The following KIAA1210 variants were observed in gnomAD, a reference collection of about 807,000 sequenced individuals.
The protein encoded by KIAA1210 is acrosomal protein KIAA1210.
KIAA1210 carries 48 observed loss-of-function variants against 78.9 expected under a neutral mutation model. The ratio of observed to expected loss-of-function variants is 0.61; its 90% confidence interval spans 0.48 to 0.77. The LOEUF is 0.77. KIAA1210 is among the 30% of genes least tolerant of loss of function. The probability of loss-of-function intolerance (pLI) is 0.00; values close to 1 mark genes in which losing one functional copy is unlikely to be tolerated. For synonymous variants in KIAA1210, 406 were observed against 404.5 expected (o/e 1.00, Z -0.04); for missense variants, 1,108 against 1,100.0 (o/e 1.01, Z -0.10).
At chrX:119,100,930 T>C (rs909894315) in intron 6 of KIAA1210, among the ~76,000 whole-genome samples, 4 of 112,334 alleles carry the variant, frequency 3.6e-5, no homozygotes, top group Non-Finnish European at 7.5e-5. Context: ...TGGAATTAAA[T>C]GGGCTCCTTG....
At position 119,086,960 on chromosome X, in the gene KIAA1210, C is replaced by A; in HGVS notation, c.3742G>T (p.Ala1248Ser). ...GSKNPIKSIP[A>S]PATKPGKFTI... ...AACTTCCCAGGTTTGGTAGCAGGGG[C>A]TGGAATGCTCTTTATGGGGTTTTTG... The change falls in exon 9 of 12, where the codon GCC becomes TCC. Residue 1248 changes from alanine to serine, a missense_variant. By Grantham distance (99) the Ala-to-Ser change is moderately conservative. Coordinates refer to ENST00000691062, the MANE Select transcript of KIAA1210 (RefSeq NM_001394962.1). The A allele has an allele frequency of 8.3e-7, 1 of 1,211,465 alleles. No individual in the cohort carries two copies. The highest frequency in any genetic ancestry group is 1.1e-6 in the Non-Finnish European group (1 of 895,423).
intron 2 of KIAA1210, 84 bp from the exon 3 acceptor site, chrX:119,116,748 GA>G: frequency 1.1e-6 from 1 of 871,841 alleles, no homozygotes. Flanking sequence ...TGAGAGGAAA[GA>G]GGACCATGAT....
At chrX:119,109,298 A>C in intron 3 of KIAA1210, 96 bp from the exon 4 acceptor site, 11 of 865,100 alleles carry the variant, frequency 1.3e-5, no homozygotes, top group Non-Finnish European at 1.8e-5. Context: ...TAGATACCTC[A>C]GAAGGAGAGC....
At chrX:119,091,793 C>G (rs1396420591) in intron 8 of KIAA1210, among the ~76,000 whole-genome samples, 1 of 111,810 alleles carries the variant, frequency 8.9e-6, no homozygotes, top group Non-Finnish European at 1.9e-5. Flanking sequence ...TTGTAGCAAC[C>G]TGGATGAAAC....
At chrX:119,127,458 A>T (rs1471003221) in intron 1 of KIAA1210, among the ~76,000 whole-genome samples, 1 of 111,531 alleles carries the variant, frequency 9.0e-6, no homozygotes, top group Non-Finnish European at 1.9e-5. Flanking sequence ...CCTTGAGCTT[A>T]GACTGTCCTG....
upstream of KIAA1210, among the ~76,000 whole-genome samples, chrX:119,128,981 T>C (rs1928720716): frequency 8.9e-6 from 1 of 112,521 alleles, no homozygotes; most frequent in African/African-American, 3.2e-5. Flanking sequence ...GGCCAATTAT[T>C]CTTTATTAAC....
At chrX:119,093,342 C>T (rs1382536123) in intron 8 of KIAA1210, among the ~76,000 whole-genome samples, 1 of 112,392 alleles carries the variant, frequency 8.9e-6, no homozygotes, top group East Asian at 2.8e-4. Flanking sequence ...TATCTGGGCT[C>T]ACTGAGGAAC....
At position 119,147,508 on chromosome X, in the gene KIAA1210, AC is replaced by A. The variant is rs767811780; in HGVS notation, c.374del (p.Ser125IlefsTer21). 1.3e-4 allele frequency: 163 copies of A among 1,209,852 alleles called. No homozygotes were observed. The highest frequency in any genetic ancestry group is 1.7e-4 in the Non-Finnish European group (156 of 895,024). ...CCTGTTCTTGGAGTAGGAGAAGCTG[AC>A]TAGCATGATGTGAGGGGCCCACTAT... is the stretch of plus-strand genomic sequence containing the variant. On this transcript the variant is annotated frameshift_variant, in exon 2 of 14. Transcript: ENST00000402510. LOFTEE classifies it high-confidence loss of function.
chrX:119,116,857 A>T (rs1407198402), intron 2 of KIAA1210, among the ~76,000 whole-genome samples, 193 bp from the exon 3 acceptor site: 1 of 111,802 alleles, frequency 8.9e-6, no homozygotes, highest in African/African-American at 3.3e-5. Context: ...ACTCAGTAAC[A>T]AAGTGTCTGA....
At chrX:119,149,809 G>T (rs923830656) in intron 1 of KIAA1210, among the ~76,000 whole-genome samples, 2 of 110,898 alleles carry the variant, frequency 1.8e-5, no homozygotes, top group Admixed American at 9.6e-5. Flanking sequence ...AAGACAACTC[G>T]GAAAATTTAA....
chrX:119,086,905 G>T lies in KIAA1210; in HGVS notation c.3797C>A (p.Thr1266Asn), dbSNP rs1927158001. 1 of 1,209,676 alleles carries T rather than the reference G, an allele frequency of 8.3e-7. No individual in the cohort carries two copies. Among genetic ancestry groups the T allele is most frequent in the Admixed American group, 2.2e-5 (1 of 45,725 alleles). The change falls in exon 9 of 12, where the codon ACT becomes AAT. Residue 1266 changes from threonine (T) to asparagine (N), a missense_variant. Thr to Asn is a moderately conservative substitution (Grantham distance 65). This residue lies in a region of KIAA1210 where 245 missense variants were observed against 278.8 expected (regional missense o/e 0.88). Transcript: ENST00000691062. ...TTTCTTAGAGTAAATGCCCCCAGAA[G>T]TGGATGTTTGCCTGACAGGAGCAAT... is the stretch of plus-strand genomic sequence containing the variant. ...FTIAPVRQTSTSGGIYSKKED... is the reference protein window; with the variant it reads ...FTIAPVRQTSNSGGIYSKKED...
intron 2 of KIAA1210, among the ~76,000 whole-genome samples, chrX:119,119,438 G>A (rs1928374948): frequency 8.9e-6 from 1 of 112,288 alleles, no homozygotes; most frequent in South Asian, 3.7e-4. Flanking sequence ...GGAAAACTTG[G>A]CAATTCTACC....
Position 119,088,582 on chromosome X carries a change from C to T in KIAA1210, c.2120G>A (p.Gly707Glu), listed in dbSNP as rs1273520270. Reference sequence around the variant, plus strand: ...GACTTCTTGTTGGTTTTTGGGCTTTCCCAAGGCCTGAGCAGGGTGTCTGAG... The same window carrying T: ...GACTTCTTGTTGGTTTTTGGGCTTTTCCAAGGCCTGAGCAGGGTGTCTGAG... ...LPLRHPAQAL[G>E]KPKNQQEVSS... Residue 707 changes from glycine (G) to glutamate (E), a missense_variant, in exon 9 of 12, where the codon GGA (glycine) becomes GAA (glutamate). Transcript: ENST00000691062. The T allele has an allele frequency of 9.9e-6, 12 of 1,209,710 alleles. No individual in the cohort carries two copies. Among genetic ancestry groups the T allele is most frequent in the Admixed American group, 8.7e-5 (4 of 45,791 alleles).
At chrX:119,085,346 C>T (rs769148289) in intron 10 of KIAA1210, 37 bp downstream of exon 10, 15 of 1,167,073 alleles carry the variant, frequency 1.3e-5, no homozygotes, top group African/African-American at 3.6e-5. Flanking sequence ...TTCCAGCAAC[C>T]TTTTTGGAGT....
chrX:119,127,635 TC>T (rs1389524876), intron 1 of KIAA1210, among the ~76,000 whole-genome samples, 91 bp downstream of exon 1: 1 of 111,220 alleles, frequency 9.0e-6, no homozygotes, highest in East Asian at 2.8e-4. Context: ...AAAACACAAA[TC>T]TCCCCTTGAG....
chrX:119,133,348 G>C (rs1041132310), intron 2 of KIAA1210, among the ~76,000 whole-genome samples: 2 of 111,493 alleles, frequency 1.8e-5, no homozygotes, highest in Admixed American at 9.5e-5. Flanking sequence ...CCTACTCCAC[G>C]AGTCCACCAG....
In KIAA1210 at chrX:119,092,716, A is replaced by G. The variant is rs868079879; in HGVS notation, c.955+951T>C. ...GTGGAGGTTGCAGTGAGCCGAGATC[A>G]TGCCACTGCACTCCAGCCTGGGTGA... On this transcript the variant is annotated intron_variant, in intron 8 of 11. Coordinates refer to ENST00000691062, the MANE Select transcript of KIAA1210 (RefSeq NM_001394962.1). Among the ~76,000 whole-genome samples, 4 of 109,332 alleles carry G rather than the reference A, an allele frequency of 3.7e-5. No individual in the cohort carries two copies. In the East Asian group the frequency reaches 8.6e-4, roughly 23 times the overall value. 94.9% of individuals were successfully genotyped at this position (109,332 alleles called of 115,157 possible).
rs1262247307 is a variant in KIAA1210 at position 119,135,808 on chromosome X, C to T, written c.410+11665G>A. On this transcript the variant is annotated intron_variant, in intron 2 of 13. Transcript: ENST00000402510. ...GTGGCTCACGCCTGTAATCCCAGCA[C>T]TTTGGGAGGCCGAGGCGGGCGGATC... 2.7e-5 allele frequency among the ~76,000 whole-genome samples: 3 copies of T among 112,097 alleles called. No individual in the cohort carries two copies. In the Admixed American group the frequency reaches 2.8e-4, roughly 11 times the overall value.
At chrX:119,133,033 G>A (rs1028849287) in intron 2 of KIAA1210, among the ~76,000 whole-genome samples, 2 of 111,696 alleles carry the variant, frequency 1.8e-5, no homozygotes, top group African/African-American at 6.5e-5. Context: ...CTGAGGTGTG[G>A]TAAGGGGAGA....
Sources: gnomAD v4.1 joint callset for allele counts (sites outside exome capture counted in the v4.1 genomes callset) on GRCh38, gnomAD v4.1.1 for gene constraint, gnomAD v4.1.1 regional missense constraint, MANE v1.5 for transcripts, NCBI Gene and HGNC (gene_info 2026-07-23, HGNC 2026-07-21) for gene names.